PLP1: variants seen among roughly 807,000 people sequenced by gnomAD.
PLP1 encodes the protein proteolipid protein 1.
Under a neutral mutation model 18.5 loss-of-function variants are expected in PLP1, and 2 were observed. That is an observed-to-expected ratio of 0.11 (90% CI 0.04 to 0.34). The LOEUF (loss-of-function observed/expected upper bound fraction) is 0.34, where lower values mean the gene tolerates loss of function less well. PLP1 is among the 10% of genes least tolerant of loss of function. PLP1 has a pLI of 1.00. For missense variants in PLP1, 105 were observed against 207.3 expected (o/e 0.51, Z 3.03); for synonymous variants, 86 against 83.2 (o/e 1.03, Z -0.19).
intron 3 of PLP1, 70 bp from the exon 4 acceptor site, chrX:103,787,728 T>C (rs757904948): frequency 1.1e-6 from 1 of 916,714 alleles, no homozygotes; most frequent in African/African-American, 1.9e-5. Flanking sequence ...CACTCCAGGA[T>C]CTCCCAGTTT....
At chrX:103,784,746 C>T (rs1222701873) in intron 1 of PLP1, among the ~76,000 whole-genome samples, 3 of 112,400 alleles carry the variant, frequency 2.7e-5, no homozygotes, top group African/African-American at 9.7e-5. Context: ...TTACCACTTA[C>T]TTGGCTGCCT....
intron 2 of PLP1, chrX:103,786,125 C>T (rs980156906): frequency 2.7e-6 from 3 of 1,091,660 alleles, no homozygotes; most frequent in African/African-American, 1.8e-5. Flanking sequence ...AAGTTAGGCT[C>T]CTGTTCCTTC....
At chrX:103,785,449 T>C in intron 1 of PLP1, 133 bp from the exon 2 acceptor site, 1 of 550,685 alleles carries the variant, frequency 1.8e-6, no homozygotes, top group Non-Finnish European at 3.2e-6. Context: ...CCAAAACCTC[T>C]AGCCGCTCCT....
chrX:103,790,379 C>G, intron 6 of PLP1, 148 bp from the exon 7 acceptor site: 1 of 549,683 alleles, frequency 1.8e-6, no homozygotes, highest in South Asian at 2.4e-5. Context: ...GAAAGCCAAG[C>G]CTGGGATGTA....
At chrX:103,780,637 G>A (rs1237175523) in intron 1 of PLP1, among the ~76,000 whole-genome samples, 1 of 111,484 alleles carries the variant, frequency 9.0e-6, no homozygotes, top group Non-Finnish European at 1.9e-5. Context: ...CAGAGACTTC[G>A]GGACTGTTTT....
chrX:103,788,363 C>A, intron 4 of PLP1, 74 bp from the exon 5 acceptor site: 2 of 734,937 alleles, frequency 2.7e-6, no homozygotes, highest in Non-Finnish European at 4.4e-6. Context: ...GGAAGAAGGG[C>A]TCTGGGGGAA....
chrX:103,788,730 C>A (rs1274718215), intron 5 of PLP1: 2 of 424,562 alleles, frequency 4.7e-6, no homozygotes, highest in East Asian at 7.8e-5. Context: ...CCTTTCCAAC[C>A]CTTCCCCTCT....
At chrX:103,788,595 A>T in intron 5 of PLP1, 85 bp downstream of exon 5, 2 of 761,277 alleles carry the variant, frequency 2.6e-6, no homozygotes, top group Non-Finnish European at 4.1e-6. Flanking sequence ...TAAGGACTGA[A>T]AGTTTCCCTT....
chrX:103,788,091 C>T (rs192378708), intron 4 of PLP1, 125 bp downstream of exon 4: 14 of 585,124 alleles, frequency 2.4e-5, no homozygotes, highest in Non-Finnish European at 3.7e-5. Flanking sequence ...ATGATTGGGT[C>T]TTAGTTTATT....
chrX:103,777,889 A>G (rs2074423161), intron 1 of PLP1, among the ~76,000 whole-genome samples: 1 of 112,747 alleles, frequency 8.9e-6, no homozygotes. Flanking sequence ...CAGCTTAAAC[A>G]CATCCTAAAT....
At chrX:103,781,124 T>A in intron 1 of PLP1, 1 of 230,722 alleles carries the variant, frequency 4.3e-6, no homozygotes, top group Non-Finnish European at 8.4e-6. Flanking sequence ...TTCCTTTCGA[T>A]GAAAGCCCTT....
chrX:103,777,082 T>G, intron 1 of PLP1, 83 bp downstream of exon 1: 1 of 823,819 alleles, frequency 1.2e-6, no homozygotes, highest in Non-Finnish European at 1.8e-6. Context: ...GGTTCGGGGG[T>G]TCCATGGTTT....
chrX:103,779,216 T>C, intron 1 of PLP1, among the ~76,000 whole-genome samples: 1 of 112,301 alleles, frequency 8.9e-6, no homozygotes, highest in Admixed American at 9.4e-5. Context: ...TGAAACACAA[T>C]GCCATTATTG....
intron 1 of PLP1, 123 bp downstream of exon 1, chrX:103,777,122 T>A (rs1352573140): frequency 5.1e-6 from 3 of 592,829 alleles, no homozygotes; most frequent in Non-Finnish European, 8.6e-6. Context: ...ACTTGTTTTC[T>A]TTTTAAATTC....
chrX:103,777,734 A>C (rs1416081985), intron 1 of PLP1, among the ~76,000 whole-genome samples: 1 of 112,249 alleles, frequency 8.9e-6, no homozygotes, highest in African/African-American at 3.2e-5. Flanking sequence ...GGGCTTTTCT[A>C]GGTTCCGTGA....
At chrX:103,783,389 T>C (rs1215416138) in intron 1 of PLP1, among the ~76,000 whole-genome samples, 2 of 112,579 alleles carry the variant, frequency 1.8e-5, no homozygotes, top group Non-Finnish European at 3.8e-5. Flanking sequence ...CTGGCAGCAA[T>C]GCTTTAGTTC....
intron 3 of PLP1, 200 bp from the exon 4 acceptor site, chrX:103,787,598 C>G (rs1252367135): frequency 2.2e-6 from 1 of 461,255 alleles, no homozygotes; most frequent in Admixed American, 3.2e-5. Context: ...CCCCCACCCT[C>G]CGTTATACTG....
intron 1 of PLP1, among the ~76,000 whole-genome samples, chrX:103,779,259 G>A (rs1315353121): frequency 8.9e-6 from 1 of 112,249 alleles, no homozygotes; most frequent in Non-Finnish European, 1.9e-5. Context: ...GCCTGTTGTC[G>A]TCTGAGAACA....
At chrX:103,781,657 G>C (rs2074455103) in intron 1 of PLP1, among the ~76,000 whole-genome samples, 1 of 112,202 alleles carries the variant, frequency 8.9e-6, no homozygotes, top group Admixed American at 9.4e-5. Context: ...CTTAATTCTT[G>C]TACTGAATTC....
Sources: gnomAD v4.1 joint callset for allele counts (sites outside exome capture counted in the v4.1 genomes callset) on GRCh38, gnomAD v4.1.1 for gene constraint, MANE v1.5 for transcripts, NCBI Gene and HGNC (gene_info 2026-07-23, HGNC 2026-07-21) for gene names.